BCAS3: variants seen among roughly 807,000 people sequenced by gnomAD.
The protein encoded by BCAS3 is BCAS3 microtubule associated cell migration factor.
In BCAS3, 53 loss-of-function variants were observed where a neutral mutation model predicts 116.1. That is an observed-to-expected ratio of 0.46 (90% CI 0.37 to 0.57). The LOEUF (loss-of-function observed/expected upper bound fraction) is 0.57. BCAS3 is among the 20% of genes least tolerant of loss of function. BCAS3 has a pLI of 0.00. For synonymous variants in BCAS3, 391 were observed against 408.2 expected (o/e 0.96, Z 0.51); for missense variants, 917 against 1,165.4 (o/e 0.79, Z 3.10).
At chr17:60,884,741 T>C (rs982769116) in intron 9 of BCAS3, among the ~76,000 whole-genome samples, 1 of 146,538 alleles carries the variant, frequency 6.8e-6, no homozygotes, top group African/African-American at 2.6e-5. Flanking sequence ...AGTTTCCATG[T>C]AGTTGAGTGG....
rs762712668 is a variant in BCAS3 at position 61,015,736 on chromosome 17, T to C, written c.1487-15T>C. 8.1e-6 allele frequency: 13 copies of C among 1,613,640 alleles called. No individual in the cohort carries two copies. Among genetic ancestry groups the C allele is most frequent in the Middle Eastern group, 1.7e-4 (1 of 6,056 alleles). ...CCTTCCTCAGTGATGCTTTTCTTTA[T>C]TTTTCTCTTTGTAGGGAAACTGAAC... On this transcript the variant is annotated splice_polypyrimidine_tract_variant and intron_variant, in intron 15 of 23. Coordinates refer to ENST00000407086, the MANE Select transcript of BCAS3 (RefSeq NM_017679.5).
At chr17:61,071,652 T>C (rs2071439706) in intron 19 of BCAS3, among the ~76,000 whole-genome samples, 1 of 152,210 alleles carries the variant, frequency 6.6e-6, no homozygotes. Context: ...TACTACATAT[T>C]GTAATTCCTA....
At chr17:60,953,558 C>T (rs752134434) in intron 14 of BCAS3, among the ~76,000 whole-genome samples, 2 of 152,044 alleles carry the variant, frequency 1.3e-5, no homozygotes, top group Non-Finnish European at 2.9e-5. Context: ...TGTGCAGAAG[C>T]TCTTTAGTTT....
At chr17:61,143,816 T>A (rs1408125136) in intron 22 of BCAS3, among the ~76,000 whole-genome samples, 3 of 151,892 alleles carry the variant, frequency 2.0e-5, no homozygotes, top group East Asian at 1.9e-4. Flanking sequence ...CTCAAAAAAA[T>A]AAAATAAAAT....
intron 10 of BCAS3, among the ~76,000 whole-genome samples, chr17:60,894,960 A>T (rs2057411307): frequency 6.6e-6 from 1 of 151,578 alleles, no homozygotes; most frequent in African/African-American, 2.4e-5. Flanking sequence ...GTTGGTTTTG[A>T]TTTTCTAGCA....
In BCAS3 at chr17:61,298,822, A is replaced by ATTTATTTATTTAT. The variant is rs374270128; in HGVS notation, c.2426-69503_2426-69502insTATTTATTTATTT. 2.9e-3 allele frequency among the ~76,000 whole-genome samples: 392 copies of ATTTATTTATTTAT among 135,044 alleles called. 1 individual carries two copies. Among genetic ancestry groups the ATTTATTTATTTAT allele is most frequent in the East Asian group, 6.9e-3 (33 of 4,804 alleles). The allele number at this position is 135,044 out of a possible 152,430, so 88.6% of individuals were successfully genotyped here. ...TATTTATTTATTTATTTATTTATTT[A>ATTTATTTATTTAT]TTATTATTATTATTATTTGAGATGG... On this transcript the variant is annotated intron_variant, in intron 22 of 23. Coordinates refer to ENST00000407086, the MANE Select transcript of BCAS3 (RefSeq NM_017679.5).
chr17:60,888,039 C>A (rs9303429), intron 9 of BCAS3, among the ~76,000 whole-genome samples: 3 of 152,060 alleles, frequency 2.0e-5, no homozygotes, highest in African/African-American at 7.2e-5. Context: ...TGTTTTCAGA[C>A]TTTACCTGGA....
At chr17:60,914,483 A>G (rs1333281178) in intron 12 of BCAS3, among the ~76,000 whole-genome samples, 1 of 152,212 alleles carries the variant, frequency 6.6e-6, no homozygotes, top group Non-Finnish European at 1.5e-5. Context: ...GGGTTATAAT[A>G]TATGAAAGGA....
chr17:60,975,549 T>A (rs1716329364), intron 14 of BCAS3, among the ~76,000 whole-genome samples: 1 of 152,236 alleles, frequency 6.6e-6, no homozygotes, highest in African/African-American at 2.4e-5. Flanking sequence ...TGTTGAGGTA[T>A]AATTCACATA....
chr17:61,315,469 C>T lies in BCAS3; in HGVS notation c.2426-52858C>T, dbSNP rs1010158248. 2.6e-5 allele frequency among the ~76,000 whole-genome samples: 4 copies of T among 152,194 alleles called. No homozygotes were observed. The highest frequency in any genetic ancestry group is 3.2e-3 in the Middle Eastern group (1 of 316). ...GAGGGCATGCAGAGCAGTCTCGGAG[C>T]GGACGCTAGCTGGCAGCGGTGCCAT... is the stretch of plus-strand genomic sequence containing the variant. On this transcript the variant is annotated intron_variant, in intron 22 of 23. Coordinates refer to ENST00000407086, the MANE Select transcript of BCAS3 (RefSeq NM_017679.5). The surrounding 1 kb of genome is among the most constrained non-coding windows in gnomAD (Gnocchi z 5.3).
chr17:60,967,687 TTGTC>T lies in BCAS3; in HGVS notation c.1221+20338_1221+20341del, dbSNP rs1156536125. 6.6e-6 allele frequency among the ~76,000 whole-genome samples: 1 copy of T among 152,218 alleles called. No homozygotes were observed. The highest frequency in any genetic ancestry group is 1.5e-5 in the Non-Finnish European group (1 of 68,042). On this transcript the variant is annotated intron_variant, in intron 14 of 23. Coordinates refer to ENST00000407086, the MANE Select transcript of BCAS3 (RefSeq NM_017679.5). This position sits in a 1 kb window ranked among gnomAD's most constrained non-coding sequence, Gnocchi z 4.7. The stretch of plus-strand genomic sequence containing the variant: ...TCTTAGATTTGGTCTTTTGAGGTAA[TTGTC>T]TGCATCCTGTTGGTGGTATTCATTC...
chr17:61,173,713 T>C (rs1166461583), intron 22 of BCAS3, among the ~76,000 whole-genome samples: 1 of 152,038 alleles, frequency 6.6e-6, no homozygotes, highest in African/African-American at 2.4e-5. Flanking sequence ...ACCTCACCTC[T>C]ATAAAACAAT....
rs1482682307 is a variant in BCAS3 at position 61,251,352 on chromosome 17, C to T, written c.2426-116975C>T. ...TGGGAGGCTGAGGCGGGCGGATCACCTGAGGTCAGAGTTTGAGACCATCCT... is the reference window on the plus strand; with the variant it reads ...TGGGAGGCTGAGGCGGGCGGATCACTTGAGGTCAGAGTTTGAGACCATCCT... On this transcript the variant is annotated intron_variant, in intron 22 of 23. Transcript: ENST00000407086. This position sits in a 1 kb window ranked among gnomAD's most constrained non-coding sequence, Gnocchi z 4.7. Among the ~76,000 whole-genome samples the T allele has an allele frequency of 6.6e-6, 1 of 152,096 alleles. No individual in the cohort carries two copies. The highest frequency in any genetic ancestry group is 1.5e-5 in the Non-Finnish European group (1 of 68,012).
intron 22 of BCAS3, among the ~76,000 whole-genome samples, chr17:61,172,912 C>T (rs1439214294): frequency 1.3e-5 from 2 of 151,676 alleles, no homozygotes; most frequent in Non-Finnish European, 2.9e-5. Flanking sequence ...GGCGTGAACC[C>T]GGGAGGCGGA....
rs940812801 is a variant in BCAS3 at position 61,141,849 on chromosome 17, C to T, written c.2425+57285C>T. ...CCAGGAGGCGGAGGTTGCAGTGAGC[C>T]GAGATCGCGCCACTGCACTCCAGCC... On this transcript the variant is annotated intron_variant, in intron 22 of 23. Transcript: ENST00000407086. The surrounding 1 kb of genome is among the most constrained non-coding windows in gnomAD (Gnocchi z 4.3). Among the ~76,000 whole-genome samples the T allele has an allele frequency of 7.6e-5, 11 of 145,448 alleles. No homozygotes were observed. Among genetic ancestry groups the T allele is most frequent in the Non-Finnish European group, 3.0e-5 (2 of 66,774 alleles).
At chr17:61,372,646 C>G (rs1482618014) in intron 23 of BCAS3, among the ~76,000 whole-genome samples, 4 of 152,168 alleles carry the variant, frequency 2.6e-5, no homozygotes, top group Admixed American at 2.0e-4. Flanking sequence ...CCTGGGCCAG[C>G]TCCAGCCAAG....
chr17:60,760,629 T>C (rs2043434843), intron 6 of BCAS3, among the ~76,000 whole-genome samples: 1 of 128,354 alleles, frequency 7.8e-6, no homozygotes, highest in Non-Finnish European at 1.5e-5. Flanking sequence ...TTTCACTTGC[T>C]ACACCTTAAT....
At chr17:60,739,992 A>G (rs1190568084) in intron 5 of BCAS3, among the ~76,000 whole-genome samples, 1 of 151,678 alleles carries the variant, frequency 6.6e-6, no homozygotes, top group Non-Finnish European at 1.5e-5. Context: ...CAAGTAGATA[A>G]TTTTTCCTTT....
intron 19 of BCAS3, among the ~76,000 whole-genome samples, chr17:61,044,465 A>T (rs184374300): frequency 0.098 from 11,667 of 118,850 alleles, 727 homozygotes; most frequent in African/African-American, 0.12. Context: ...AAAAAAAAAA[A>T]ATATATATAT....
Sources: gnomAD v4.1 joint callset for allele counts (sites outside exome capture counted in the v4.1 genomes callset) on GRCh38, gnomAD v4.1.1 for gene constraint, Gnocchi (gnomAD v3.1) non-coding constraint, MANE v1.5 for transcripts, NCBI Gene and HGNC (gene_info 2026-07-23, HGNC 2026-07-21) for gene names.